FAM81A: variants seen among roughly 807,000 people sequenced by gnomAD.
FAM81A encodes the protein family with sequence similarity 81 member A.
A neutral mutation model predicts 46.7 loss-of-function variants in FAM81A; 19 were observed. That is an observed-to-expected ratio of 0.41 (90% confidence interval 0.28 to 0.60). The LOEUF (loss-of-function observed/expected upper bound fraction) is 0.60, where lower values mean the gene tolerates loss of function less well. Among genes scored for constraint, FAM81A ranks in the 20% least tolerant of loss-of-function variants. FAM81A has a pLI of 0.34. For synonymous variants in FAM81A, 183 were observed against 152.9 expected, an observed-to-expected ratio of 1.20 and a Z score of -1.45; for missense variants, 377 against 453.5, an observed-to-expected ratio of 0.83 and a Z score of 1.53.
At chr15:59,447,326 C>T (rs1281988281) in intron 1 of FAM81A, among the ~76,000 whole-genome samples, 1 of 152,114 alleles carries the variant, frequency 6.6e-6, no homozygotes, top group African/African-American at 2.4e-5. Context: ...TCTTAGAGAC[C>T]GTGTAAGACC....
Position 59,430,002 on chromosome 15 carries a change from A to G in FAM81A, c.-78+27644A>G, listed in dbSNP as rs1160638219. On this transcript the variant is annotated intron_variant, in intron 2 of 4. Coordinates refer to the FAM81A transcript ENST00000558348. ...CTTCTTTGTTCTGGGTATGCTTTGT[A>G]ATTTTACTTTACCATTCATGAGAAT... 2.0e-5 allele frequency among the ~76,000 whole-genome samples: 3 copies of G among 152,170 alleles called. No homozygotes were observed. In the East Asian group the frequency reaches 5.8e-4, roughly 29 times the overall value.
In FAM81A at chr15:59,460,837, A is replaced by C. The variant is rs1395546471; in HGVS notation, c.294+631A>C. ...AGGGCTTGGGTTTCCCTCACTACGC[A>C]ATGTTCATATCTTTCACATGTAATG... On this transcript the variant is annotated intron_variant, in intron 3 of 8. Coordinates refer to ENST00000288228, the MANE Select transcript of FAM81A (RefSeq NM_152450.3). This position sits in a 1 kb window ranked among gnomAD's most constrained non-coding sequence, Gnocchi z 4.4. Among the ~76,000 whole-genome samples the C allele has an allele frequency of 3.3e-5, 5 of 152,218 alleles. No individual in the cohort carries two copies. Among genetic ancestry groups the C allele is most frequent in the Non-Finnish European group, 7.3e-5 (5 of 68,038 alleles).
At chr15:59,471,906 CT>C (rs1198302240) in intron 3 of FAM81A, among the ~76,000 whole-genome samples, 1 of 152,096 alleles carries the variant, frequency 6.6e-6, no homozygotes, top group African/African-American at 2.4e-5. Context: ...TCTAAGAGTT[CT>C]AGTGGATACT....
Position 59,456,304 on chromosome 15 carries a change from G to A in FAM81A, c.-77-2246G>A, listed in dbSNP as rs1280086119. Among the ~76,000 whole-genome samples, 54 of 152,098 alleles carry A rather than the reference G, an allele frequency of 3.6e-4. 1 individual carries two copies. The highest frequency in any genetic ancestry group is 3.5e-3 in the Admixed American group (53 of 15,272). On this transcript the variant is annotated intron_variant, in intron 1 of 8. Transcript: ENST00000288228. ...TGGGGTGGCGGGGGCGGGGGTTCCC[G>A]GTGACTGGAGCAGGTGATTGTGGTA...
At chr15:59,513,535 G>C (rs559430889) in intron 6 of FAM81A, among the ~76,000 whole-genome samples, 1 of 152,166 alleles carries the variant, frequency 6.6e-6, no homozygotes, top group Non-Finnish European at 1.5e-5. Context: ...GTATTCTCCC[G>C]CCTTACCAGC....
intron 3 of FAM81A, among the ~76,000 whole-genome samples, chr15:59,490,663 C>G (rs1284922108): frequency 2.6e-5 from 4 of 152,108 alleles, no homozygotes; most frequent in Non-Finnish European, 4.4e-5. Context: ...GAAACTCCAT[C>G]TCTACTAAAA....
chr15:59,515,455 G>A (rs1033168802), intron 7 of FAM81A, among the ~76,000 whole-genome samples: 1 of 152,068 alleles, frequency 6.6e-6, no homozygotes, highest in African/African-American at 2.4e-5. Flanking sequence ...CTCTCCAGAT[G>A]TGGAGCTGTT....
chr15:59,507,503 A>G (rs755451651), intron 5 of FAM81A, among the ~76,000 whole-genome samples, 161 bp downstream of exon 5: 1 of 152,112 alleles, frequency 6.6e-6, no homozygotes, highest in Non-Finnish European at 1.5e-5. Flanking sequence ...TTCCTATTTC[A>G]CTAGAGTGGC....
chr15:59,426,070 C>T (rs866989034), intron 2 of FAM81A, among the ~76,000 whole-genome samples: 1 of 152,244 alleles, frequency 6.6e-6, no homozygotes, highest in Middle Eastern at 3.4e-3. Context: ...TTAAATTAGT[C>T]TTTAGTCCTC....
At chr15:59,441,274 T>A (rs1181672782) in intron 1 of FAM81A, among the ~76,000 whole-genome samples, 1 of 152,184 alleles carries the variant, frequency 6.6e-6, no homozygotes, top group Non-Finnish European at 1.5e-5. Context: ...ATCCTTCCCA[T>A]AAGAAACTCT....
At chr15:59,399,546 A>G (rs1176704160) in intron 1 of FAM81A, among the ~76,000 whole-genome samples, 2 of 152,212 alleles carry the variant, frequency 1.3e-5, no homozygotes, top group Non-Finnish European at 2.9e-5. Context: ...AATACGCTGA[A>G]GAACCCATGC....
intron 3 of FAM81A, among the ~76,000 whole-genome samples, chr15:59,475,488 C>T (rs1407307678): frequency 1.3e-5 from 2 of 152,124 alleles, no homozygotes; most frequent in Non-Finnish European, 2.9e-5. Context: ...ATTTACAATG[C>T]AGTGAGAAAG....
chr15:59,486,482 G>A (rs2081918281), intron 3 of FAM81A, among the ~76,000 whole-genome samples: 1 of 151,650 alleles, frequency 6.6e-6, no homozygotes, highest in Non-Finnish European at 1.5e-5. Context: ...TTATCAAAAG[G>A]GATAACAGAG....
At chr15:59,444,916 T>A (rs572348326) in intron 1 of FAM81A, among the ~76,000 whole-genome samples, 5 of 152,336 alleles carry the variant, frequency 3.3e-5, no homozygotes, top group South Asian at 2.1e-4. Flanking sequence ...CTTGTTATTT[T>A]AAAAATGTAG....
intron 2 of FAM81A, among the ~76,000 whole-genome samples, chr15:59,412,800 G>A (rs1291142719): frequency 6.6e-6 from 1 of 152,012 alleles, no homozygotes; most frequent in African/African-American, 2.4e-5. Context: ...GTGGCCCGAG[G>A]GAAACTCTGG....
At chr15:59,454,354 A>G (rs549027431) in intron 1 of FAM81A, among the ~76,000 whole-genome samples, 6 of 152,294 alleles carry the variant, frequency 3.9e-5, no homozygotes, top group South Asian at 4.1e-4. Flanking sequence ...TTCATTTACC[A>G]TTTTACATTA....
intron 1 of FAM81A, among the ~76,000 whole-genome samples, chr15:59,453,329 G>T (rs1173514123): frequency 6.6e-6 from 1 of 152,166 alleles, no homozygotes; most frequent in Non-Finnish European, 1.5e-5. Context: ...GTTTCCTCTG[G>T]TTCAATGTTG....
At position 59,514,292 on chromosome 15, in the gene FAM81A, T is replaced by G. The variant is rs754685419; in HGVS notation, c.654T>G (p.Phe218Leu). 6.3e-7 allele frequency: 1 copy of G among 1,575,926 alleles called. No individual in the cohort carries two copies. The highest frequency in any genetic ancestry group is 8.6e-7 in the Non-Finnish European group (1 of 1,168,184). ...ACTTGCAATTTTTTTTTTTTAGATTTAAAGGTACAGTTGAGGAACTCAGTA... is the reference window on the plus strand; with the variant it reads ...ACTTGCAATTTTTTTTTTTTAGATTGAAAGGTACAGTTGAGGAACTCAGTA... ...NHQLQLLDTK[F>L]KGTVEELSNQ... Residue 218 changes from phenylalanine to leucine, a missense_variant, in exon 7 of 9, where the codon TTT becomes TTG. Transcript: ENST00000288228.
chr15:59,445,758 G>A (rs2081347857), intron 1 of FAM81A, among the ~76,000 whole-genome samples: 1 of 152,204 alleles, frequency 6.6e-6, no homozygotes, highest in South Asian at 2.1e-4. Flanking sequence ...TAGTTTAGTA[G>A]GTAGAGAGTT....
Sources: gnomAD v4.1 joint callset for allele counts (sites outside exome capture counted in the v4.1 genomes callset) on GRCh38, gnomAD v4.1.1 for gene constraint, Gnocchi (gnomAD v3.1) non-coding constraint, MANE v1.5 for transcripts, NCBI Gene and HGNC (gene_info 2026-07-23, HGNC 2026-07-21) for gene names.